The following RYK variants were observed in gnomAD, a reference collection of about 807,000 sequenced individuals.
The protein encoded by RYK is inactive tyrosine-protein kinase RYK.
A neutral mutation model predicts 70.2 loss-of-function variants in RYK; 21 were observed. That is an observed-to-expected ratio of 0.30 (90% CI 0.21 to 0.43). The LOEUF is 0.43. RYK is among the 20% of genes least tolerant of loss of function. The pLI, the probability that RYK is intolerant of heterozygous loss-of-function variation, is 1.00. For missense variants in RYK, 604 were observed against 753.3 expected, an observed-to-expected ratio of 0.80 and a Z score of 2.32; for synonymous variants, 267 against 278.0, an observed-to-expected ratio of 0.96 and a Z score of 0.39.
At chr3:134,215,051 C>T (rs1371567901) in intron 2 of RYK, among the ~76,000 whole-genome samples, 1 of 152,174 alleles carries the variant, frequency 6.6e-6, no homozygotes, top group African/African-American at 2.4e-5. Flanking sequence ...ATCTAATTAT[C>T]CTACAGCCTT....
chr3:134,248,916 T>C (rs938129574), intron 1 of RYK, among the ~76,000 whole-genome samples: 2 of 151,960 alleles, frequency 1.3e-5, no homozygotes, highest in African/African-American at 4.8e-5. Context: ...GAAGAAATTA[T>C]GTGTATAAAG....
intron 13 of RYK, among the ~76,000 whole-genome samples, chr3:134,165,061 G>A (rs562808511): frequency 1.3e-5 from 2 of 152,234 alleles, no homozygotes; most frequent in African/African-American, 4.8e-5. Flanking sequence ...CTCTCCTATT[G>A]TGTATGTATT....
intron 9 of RYK, among the ~76,000 whole-genome samples, chr3:134,188,149 C>CT (rs1560008637): frequency 8.5e-4 from 106 of 124,958 alleles, no homozygotes; most frequent in African/African-American, 3.0e-3. Flanking sequence ...GACAATCTAA[C>CT]AATATATATA....
At chr3:134,223,162 T>C (rs2014792269) in intron 1 of RYK, among the ~76,000 whole-genome samples, 3 of 152,176 alleles carry the variant, frequency 2.0e-5, no homozygotes, top group Non-Finnish European at 2.9e-5. Context: ...CACAGCTCTC[T>C]GCACAAAACA....
chr3:134,226,941 A>C (rs2014926045), intron 1 of RYK, among the ~76,000 whole-genome samples: 1 of 152,206 alleles, frequency 6.6e-6, no homozygotes, highest in Non-Finnish European at 1.5e-5. Flanking sequence ...TCAACCTTGT[A>C]CCGGAGGTCC....
intron 5 of RYK, among the ~76,000 whole-genome samples, chr3:134,204,627 A>ACACACACACG (rs2014149295): frequency 2.0e-5 from 3 of 151,176 alleles, no homozygotes; most frequent in African/African-American, 7.3e-5. Flanking sequence ...ACACACACAC[A>ACACACACACG]CGCAGAAGCA....
At chr3:134,179,665 T>C (rs531811222) in intron 10 of RYK, 1 of 152,326 alleles carries the variant, frequency 6.6e-6, no homozygotes, top group East Asian at 1.9e-4. Flanking sequence ...GGAGATCACA[T>C]GGGAGATTAC....
intron 1 of RYK, among the ~76,000 whole-genome samples, chr3:134,249,917 G>GT (rs71624038): frequency 0.011 from 1,020 of 93,256 alleles, 97 homozygotes; most frequent in Non-Finnish European, 0.013. Flanking sequence ...TTTCTCTCTC[G>GT]TTTTTTTTTT....
At chr3:134,175,795 A>AT in intron 12 of RYK, 27 bp from the exon 13 acceptor site, 1 of 1,612,246 alleles carries the variant, frequency 6.2e-7, no homozygotes, top group Non-Finnish European at 8.5e-7. Context: ...TGAACATCAA[A>AT]TGCAATCAGA....
At position 134,202,768 on chromosome 3, in the gene RYK, C is replaced by A. The variant is rs1267068034; in HGVS notation, c.750G>T (p.Leu250Phe). The A allele has an allele frequency of 1.9e-6, 3 of 1,613,050 alleles. No homozygotes were observed. In the East Asian group the frequency reaches 6.7e-5, roughly 36 times the overall value. The change falls in exon 6 of 15, where the codon TTG (leucine) becomes TTT (phenylalanine). Residue 250 changes from leucine to phenylalanine, a missense_variant. Physicochemically the swap from Leu to Phe is conservative, Grantham distance 22. Coordinates refer to ENST00000623711, the MANE Select transcript of RYK (RefSeq NM_002958.4). ...CAATCCTTTTCATACTATGAAGGTG[C>A]AAAACAGCTAATATTATTGCTACGA... ...IFLVAIILAVLHLHSMKRIEL... is the reference protein window; with the variant it reads ...IFLVAIILAVFHLHSMKRIEL...
chr3:134,201,024 A>G (rs1288455703), intron 6 of RYK, among the ~76,000 whole-genome samples: 1 of 152,256 alleles, frequency 6.6e-6, no homozygotes, highest in Admixed American at 6.5e-5. Context: ...GCATGCAAGC[A>G]TTCAAGGAAA....
chr3:134,172,826 G>T (rs1415429326), intron 13 of RYK, among the ~76,000 whole-genome samples: 3 of 152,094 alleles, frequency 2.0e-5, no homozygotes, highest in Non-Finnish European at 4.4e-5. Flanking sequence ...TGCTCTATAA[G>T]CTGAACCCTG....
At chr3:134,233,258 C>T (rs2015110647) in intron 1 of RYK, among the ~76,000 whole-genome samples, 1 of 152,036 alleles carries the variant, frequency 6.6e-6, no homozygotes, top group African/African-American at 2.4e-5. Context: ...AGTGGCTGGC[C>T]CTTAACCTTA....
chr3:134,161,295 G>C (rs560727842), intron 13 of RYK, among the ~76,000 whole-genome samples: 1 of 152,296 alleles, frequency 6.6e-6, no homozygotes, highest in African/African-American at 2.4e-5. Context: ...ACACTATAAA[G>C]CCTAGAGTAG....
chr3:134,193,010 T>G (rs2107669263), intron 7 of RYK, among the ~76,000 whole-genome samples: 1 of 152,350 alleles, frequency 6.6e-6, no homozygotes, highest in Middle Eastern at 3.4e-3. Context: ...TTCCTCTTTT[T>G]CTATCTGTAA....
At chr3:134,193,025 A>G (rs1257896500) in intron 7 of RYK, among the ~76,000 whole-genome samples, 14 of 152,146 alleles carry the variant, frequency 9.2e-5, no homozygotes, top group African/African-American at 2.4e-5. Flanking sequence ...CTGTAAACAA[A>G]TGTATTTCTA....
Position 134,157,732 on chromosome 3 carries a change from A to T in RYK, c.*421T>A, listed in dbSNP as rs2012296102. On this transcript the variant is annotated 3_prime_UTR_variant, in exon 15 of 15. Transcript: ENST00000623711. ...CCATTTCCCAGAGTAGTGATAAAAAATAACACTAAAAAAACTTTAAAGGTG... is the reference window on the plus strand; with the variant it reads ...CCATTTCCCAGAGTAGTGATAAAAATTAACACTAAAAAAACTTTAAAGGTG... 6.5e-6 allele frequency: 1 copy of T among 153,440 alleles called. No individual in the cohort carries two copies. The highest frequency in any genetic ancestry group is 2.4e-5 in the African/African-American group (1 of 41,514). 9.5% of individuals were successfully genotyped at this position (153,440 alleles called of 1,614,324 possible).
At chr3:134,193,390 A>G (rs553048983) in intron 7 of RYK, among the ~76,000 whole-genome samples, 4 of 152,100 alleles carry the variant, frequency 2.6e-5, no homozygotes, top group Non-Finnish European at 5.9e-5. Flanking sequence ...TCACCGTGTT[A>G]GCCAGGATGG....
At chr3:134,230,333 G>A (rs538925947) in intron 1 of RYK, among the ~76,000 whole-genome samples, 30 of 152,200 alleles carry the variant, frequency 2.0e-4, no homozygotes, top group Admixed American at 5.2e-4. Context: ...CATCCGCCTC[G>A]GCCTCCCAAA....
Sources: allele counts gnomAD v4.1 joint callset (sites outside exome capture counted in the v4.1 genomes callset), GRCh38; gene constraint gnomAD v4.1.1; transcripts MANE v1.5; gene names NCBI Gene and HGNC (gene_info 2026-07-23, HGNC 2026-07-21).